Variants in ZNF385D observed in about 807,000 individuals in gnomAD.
ZNF385D encodes the protein zinc finger protein 659.
Under a neutral mutation model 35.8 loss-of-function variants are expected in ZNF385D, and 15 were observed. The observed-to-expected ratio is 0.42, with a 90% CI of 0.28 to 0.64. The LOEUF (loss-of-function observed/expected upper bound fraction) is 0.64, where lower values mean the gene tolerates loss of function less well. Among genes scored for constraint, ZNF385D ranks in the 30% least tolerant of loss-of-function variants. The pLI is 0.23. For missense variants in ZNF385D, 474 were observed against 494.6 expected (o/e 0.96, Z 0.39); for synonymous variants, 212 against 186.8 (o/e 1.13, Z -1.10).
At chr3:21,566,017 G>A (rs1270013565) in intron 2 of ZNF385D, among the ~76,000 whole-genome samples, 5 of 152,188 alleles carry the variant, frequency 3.3e-5, no homozygotes, top group African/African-American at 1.2e-4. Context: ...GAAGGAAGGA[G>A]AAAGTTTCTG....
intron 3 of ZNF385D, among the ~76,000 whole-genome samples, chr3:21,823,170 T>A (rs995297330): frequency 6.6e-6 from 1 of 152,144 alleles, no homozygotes; most frequent in African/African-American, 2.4e-5. Context: ...AATGATATGC[T>A]CCATAAAAAC....
intron 3 of ZNF385D, among the ~76,000 whole-genome samples, chr3:21,826,704 A>C (rs1036604928): frequency 2.0e-5 from 3 of 152,076 alleles, no homozygotes; most frequent in African/African-American, 7.2e-5. Flanking sequence ...TTTTACAAAT[A>C]ATTGGAGTCT....
At chr3:21,619,565 C>A (rs2064945014) in intron 2 of ZNF385D, among the ~76,000 whole-genome samples, 1 of 152,086 alleles carries the variant, frequency 6.6e-6, no homozygotes, top group South Asian at 2.1e-4. Flanking sequence ...ATCCGATGTT[C>A]ACATTATTCT....
intron 4 of ZNF385D, among the ~76,000 whole-genome samples, chr3:21,507,174 G>A (rs233160): frequency 0.72 from 109,528 of 151,874 alleles, 39,747 homozygotes; most frequent in East Asian, 0.84. Flanking sequence ...TTTAGTTTCT[G>A]TGAGTATTCT....
intron 3 of ZNF385D, among the ~76,000 whole-genome samples, chr3:22,162,494 T>A (rs943845609): frequency 2.0e-5 from 3 of 152,184 alleles, no homozygotes; most frequent in East Asian, 1.9e-4. Flanking sequence ...AGAGACATTT[T>A]AACACAGGCC....
intron 1 of ZNF385D, among the ~76,000 whole-genome samples, chr3:21,669,051 C>T (rs564518654): frequency 6.6e-6 from 1 of 152,262 alleles, no homozygotes; most frequent in African/African-American, 2.4e-5. Context: ...TTAATTGAAG[C>T]AGGTCTTTTA....
chr3:22,098,708 G>C (rs1160806549), intron 3 of ZNF385D, among the ~76,000 whole-genome samples: 1 of 151,892 alleles, frequency 6.6e-6, no homozygotes, highest in Non-Finnish European at 1.5e-5. Flanking sequence ...TGATAAGTAA[G>C]CACATGAAAA....
intron 3 of ZNF385D, among the ~76,000 whole-genome samples, chr3:21,533,317 T>A (rs1050297770): frequency 4.6e-5 from 7 of 152,166 alleles, no homozygotes; most frequent in African/African-American, 1.7e-4. Context: ...CCACAAGTAC[T>A]AAGTGATTGC....
intron 3 of ZNF385D, among the ~76,000 whole-genome samples, chr3:22,103,599 G>C (rs1702052416): frequency 1.3e-5 from 2 of 152,054 alleles, no homozygotes; most frequent in African/African-American, 2.4e-5. Flanking sequence ...ATAATGTTAT[G>C]AATCATCTGA....
chr3:21,755,390 C>A (rs539614577), upstream of ZNF385D, among the ~76,000 whole-genome samples: 1 of 152,300 alleles, frequency 6.6e-6, no homozygotes, highest in South Asian at 2.1e-4. Context: ...AACCAAGTCC[C>A]TATTCGCTTC....
rs186829707 is a variant in ZNF385D at position 21,815,277 on chromosome 3, A to G, written c.326-150249T>C. Among the ~76,000 whole-genome samples the G allele has an allele frequency of 1.1e-4, 16 of 152,342 alleles. No homozygotes were observed. In the East Asian group the frequency reaches 3.1e-3, roughly 29 times the overall value. On this transcript the variant is annotated intron_variant, in intron 3 of 5. Transcript: ENST00000494108. Reference sequence around the variant, plus strand: ...CCCTAACATCACAATTAAAAGAACTAGAGAAGCAAGAGCAAACAGATTCAA... The same window carrying G: ...CCCTAACATCACAATTAAAAGAACTGGAGAAGCAAGAGCAAACAGATTCAA...
chr3:22,344,948 C>T (rs76927074), intron 2 of ZNF385D, among the ~76,000 whole-genome samples: 1 of 152,102 alleles, frequency 6.6e-6, no homozygotes, highest in South Asian at 2.1e-4. Context: ...AAGTGAGAAG[C>T]TTGGGCCCAA....
At chr3:21,993,024 A>G (rs764154338) in intron 3 of ZNF385D, among the ~76,000 whole-genome samples, 4 of 152,196 alleles carry the variant, frequency 2.6e-5, no homozygotes, top group Admixed American at 6.5e-5. Flanking sequence ...GAGCTTGCTC[A>G]TTTAACTGCA....
chr3:21,906,577 C>T (rs1383082717), intron 3 of ZNF385D, among the ~76,000 whole-genome samples: 1 of 152,126 alleles, frequency 6.6e-6, no homozygotes, highest in Non-Finnish European at 1.5e-5. Context: ...TTGCCTTCAC[C>T]CAACATCCTG....
intron 2 of ZNF385D, among the ~76,000 whole-genome samples, chr3:22,246,694 A>C (rs2638152): frequency 3.9e-5 from 6 of 151,920 alleles, no homozygotes; most frequent in Non-Finnish European, 8.8e-5. Flanking sequence ...AAAGGAGGGA[A>C]AGATTATTGC....
At chr3:22,123,962 C>CTCTCTCTCTCTATATATATATA (rs1491571691) in intron 3 of ZNF385D, among the ~76,000 whole-genome samples, 1 of 61,840 alleles carries the variant, frequency 1.6e-5, no homozygotes, top group African/African-American at 6.1e-5. Context: ...CTCTCTCTCT[C>CTCTCTCTCTCTATATATATATA]TATATATATA....
At chr3:21,726,003 G>T (rs1220272741) in intron 1 of ZNF385D, among the ~76,000 whole-genome samples, 2 of 152,110 alleles carry the variant, frequency 1.3e-5, no homozygotes, top group Non-Finnish European at 2.9e-5. Context: ...TTCATACCTG[G>T]GAGGCAAGGC....
intron 2 of ZNF385D, among the ~76,000 whole-genome samples, chr3:22,303,331 C>A (rs1466794711): frequency 1.3e-5 from 2 of 152,112 alleles, no homozygotes; most frequent in Non-Finnish European, 2.9e-5. Context: ...TCTCCTGCCA[C>A]TACTCTTCTC....
At chr3:22,195,377 C>G (rs1464772041) in intron 2 of ZNF385D, among the ~76,000 whole-genome samples, 3 of 151,934 alleles carry the variant, frequency 2.0e-5, no homozygotes, top group Admixed American at 6.6e-5. Context: ...TACACACAAA[C>G]ATATATATAT....
Sources: allele counts gnomAD v4.1 joint callset (sites outside exome capture counted in the v4.1 genomes callset), GRCh38; gene constraint gnomAD v4.1.1; transcripts MANE v1.5; gene names NCBI Gene and HGNC (gene_info 2026-07-23, HGNC 2026-07-21).